Variants in TXN observed in about 807,000 individuals in gnomAD.
TXN encodes the protein thioredoxin, also known as ADF.
Under a neutral mutation model 16.5 loss-of-function variants are expected in TXN, and 10 were observed. The ratio of observed to expected loss-of-function variants is 0.61; its 90% CI spans 0.37 to 1.03. The LOEUF is 1.03. Among genes scored for constraint, TXN ranks in the 50% least tolerant of loss-of-function variants. The pLI is 0.01. For missense variants in TXN, 71 were observed against 122.5 expected (o/e 0.58, Z 1.98); for synonymous variants, 35 against 39.4 (o/e 0.89, Z 0.42).
chr9:110,252,223 C>CAAAAAAGAAAAAAAAAAAAAAA (rs1554695822), intron 1 of TXN, among the ~76,000 whole-genome samples: 6 of 58,390 alleles, frequency 1.0e-4, no homozygotes, highest in Non-Finnish European at 1.7e-4. Context: ...GACTCTGTCG[C>CAAAAAAGAAAAAAAAAAAAAAA]AAAAAAAAAA....
chr9:110,252,223 C>CAAAAAAAAAAAAAAAAAAA lies in TXN; in HGVS notation c.25-780_25-762dup, dbSNP rs377246017. Among the ~76,000 whole-genome samples the CAAAAAAAAAAAAAAAAAAA allele has an allele frequency of 2.1e-4, 12 of 58,390 alleles. 2 individuals carry two copies. Among genetic ancestry groups the CAAAAAAAAAAAAAAAAAAA allele is most frequent in the African/African-American group, 1.1e-3 (12 of 10,886 alleles). The allele number at this position is 58,390 out of a possible 152,430, so 38.3% of individuals were successfully genotyped here. On this transcript the variant is annotated intron_variant, in intron 1 of 4. Transcript: ENST00000374517. The stretch of plus-strand genomic sequence containing the variant: ...TGGGCAATAGACGGAGACTCTGTCG[C>CAAAAAAAAAAAAAAAAAAA]AAAAAAAAAAAAAAAAAAAAAAGCT...
chr9:110,248,228 G>A (rs186767914), intron 3 of TXN, among the ~76,000 whole-genome samples: 112 of 152,280 alleles, frequency 7.4e-4, no homozygotes, highest in Non-Finnish European at 1.5e-3. Flanking sequence ...AGCATACAGT[G>A]TTTATAACGT....
chr9:110,245,654 A>ATATATATATTTT (rs1232332404), intron 3 of TXN, among the ~76,000 whole-genome samples: 1 of 21,784 alleles, frequency 4.6e-5, no homozygotes, highest in Non-Finnish European at 7.5e-5. Flanking sequence ...ATATATATAT[A>ATATATATATTTT]TTTTTTTTTT....
At chr9:110,255,569 C>A (rs1205117018) in intron 1 of TXN, among the ~76,000 whole-genome samples, 1 of 152,216 alleles carries the variant, frequency 6.6e-6, no homozygotes, top group Non-Finnish European at 1.5e-5. Context: ...GAATCATGGA[C>A]GGGCAGGGCA....
At chr9:110,246,489 A>G (rs1180656553) in intron 3 of TXN, among the ~76,000 whole-genome samples, 1 of 152,190 alleles carries the variant, frequency 6.6e-6, no homozygotes, top group African/African-American at 2.4e-5. Flanking sequence ...TAGAGATTGA[A>G]AATGTCAGCC....
At chr9:110,248,886 G>A (rs1029048158) in intron 3 of TXN, among the ~76,000 whole-genome samples, 3 of 151,980 alleles carry the variant, frequency 2.0e-5, no homozygotes, top group South Asian at 2.1e-4. Flanking sequence ...GCCGAGGTGG[G>A]TGGATCACCT....
intron 4 of TXN, 103 bp downstream of exon 4, chr9:110,244,675 T>G: frequency 9.9e-7 from 1 of 1,005,888 alleles, no homozygotes; most frequent in Non-Finnish European, 1.5e-6. Flanking sequence ...CAGAACTTGG[T>G]GATATGCCTC....
intron 1 of TXN, among the ~76,000 whole-genome samples, chr9:110,254,464 G>C (rs1238751383): frequency 6.6e-6 from 1 of 152,250 alleles, no homozygotes; most frequent in Non-Finnish European, 1.5e-5. Context: ...GGAGGTTGCA[G>C]TGGGCCGAGA....
chr9:110,250,758 C>T (rs1837722984), intron 3 of TXN, 62 bp downstream of exon 3: 2 of 1,218,184 alleles, frequency 1.6e-6, no homozygotes, highest in Non-Finnish European at 2.4e-6. Context: ...AAGCACTGTG[C>T]AATTCAGAGA....
At chr9:110,252,278 G>A (rs1837751478) in intron 1 of TXN, among the ~76,000 whole-genome samples, 1 of 142,582 alleles carries the variant, frequency 7.0e-6, no homozygotes, top group Admixed American at 7.1e-5. Flanking sequence ...ATTTGTCTAT[G>A]GTGGACCATA....
At position 110,256,468 on chromosome 9, in the gene TXN, G is replaced by T. The variant is rs757790176; in HGVS notation, c.-33C>A. On this transcript the variant is annotated 5_prime_UTR_variant, in exon 1 of 5. Coordinates refer to ENST00000374517, the MANE Select transcript of TXN (RefSeq NM_003329.4). This position sits in a 1 kb window ranked among gnomAD's most constrained non-coding sequence, Gnocchi z 4.2. ...GCTGGAGTCTGACGAGCGGCTGTAA[G>T]GACCGATGGAAATGGATCCAAAGCA... The T allele has an allele frequency of 6.2e-7, 1 of 1,600,190 alleles. No individual in the cohort carries two copies. The highest frequency in any genetic ancestry group is 8.5e-7 in the Non-Finnish European group (1 of 1,173,506).
In TXN at chr9:110,256,355, C is replaced by A; in HGVS notation, c.24+57G>T. 1 of 1,576,488 alleles carries A rather than the reference C, an allele frequency of 6.3e-7. No individual in the cohort carries two copies. Among genetic ancestry groups the A allele is most frequent in the South Asian group, 1.1e-5 (1 of 87,098 alleles). On this transcript the variant is annotated intron_variant, in intron 1 of 4. Transcript: ENST00000374517. This position sits in a 1 kb window ranked among gnomAD's most constrained non-coding sequence, Gnocchi z 4.2. ...TCCCCACCTCCCGCCACCGCCTTCC[C>A]CAGTTACAGAGGCCGCGCGCGGCGC...
intron 3 of TXN, among the ~76,000 whole-genome samples, chr9:110,245,654 A>ATATATATATATATATAT (rs1232332404): frequency 1.4e-4 from 3 of 21,782 alleles, no homozygotes; most frequent in Non-Finnish European, 2.2e-4. Flanking sequence ...ATATATATAT[A>ATATATATATATATATAT]TTTTTTTTTT....
chr9:110,250,731 G>T, intron 3 of TXN, 89 bp downstream of exon 3: 2 of 1,031,748 alleles, frequency 1.9e-6, no homozygotes, highest in South Asian at 1.4e-5. Flanking sequence ...AGAATTATTT[G>T]ACATATTTAT....
At chr9:110,255,014 C>T (rs777648070) in intron 1 of TXN, among the ~76,000 whole-genome samples, 1 of 152,180 alleles carries the variant, frequency 6.6e-6, no homozygotes, top group Non-Finnish European at 1.5e-5. Context: ...AAATGAGAAT[C>T]CCACTAAGAA....
chr9:110,244,234 T>C lies in TXN; in HGVS notation c.256-15A>G. On this transcript the variant is annotated splice_polypyrimidine_tract_variant and intron_variant, in intron 4 of 4. Coordinates refer to ENST00000374517, the MANE Select transcript of TXN (RefSeq NM_003329.4). ...AATTCACCCACCTGTTAAGAGAATA[T>C]TGAATTGACATTAGACGTAGCACTG... is the stretch of plus-strand genomic sequence containing the variant. 1 of 1,541,282 alleles carries C rather than the reference T, an allele frequency of 6.5e-7. No individual in the cohort carries two copies. Among genetic ancestry groups the C allele is most frequent in the Non-Finnish European group, 8.8e-7 (1 of 1,140,526 alleles).
chr9:110,245,622 A>ACACAC (rs1564367350), intron 3 of TXN, among the ~76,000 whole-genome samples: 2 of 19,078 alleles, frequency 1.0e-4, no homozygotes, highest in Admixed American at 1.3e-3. Flanking sequence ...CACACACTAT[A>ACACAC]TATATATATA....
At chr9:110,244,998 A>G in intron 3 of TXN, 155 bp from the exon 4 acceptor site, 2 of 530,248 alleles carry the variant, frequency 3.8e-6, no homozygotes, top group Non-Finnish European at 3.5e-6. Context: ...AATATAATGA[A>G]TATAATGGCA....
At chr9:110,244,250 C>T (rs1322965831) in intron 4 of TXN, 31 bp from the exon 5 acceptor site, 15 of 1,419,908 alleles carry the variant, frequency 1.1e-5, no homozygotes, top group Admixed American at 4.1e-5. Context: ...TGACATTAGA[C>T]GTAGCACTGT....
Sources: allele counts gnomAD v4.1 joint callset (sites outside exome capture counted in the v4.1 genomes callset), GRCh38; gene constraint gnomAD v4.1.1; non-coding constraint Gnocchi (gnomAD v3.1); transcripts MANE v1.5; gene names NCBI Gene and HGNC (gene_info 2026-07-23, HGNC 2026-07-21).